Variants in CMSS1 observed in about 807,000 individuals in gnomAD.
CMSS1 encodes the protein protein CMSS1.
A neutral mutation model predicts 43.5 loss-of-function variants in CMSS1; 33 were observed. That is an observed-to-expected ratio of 0.76 (90% CI 0.57 to 1.01). The LOEUF (loss-of-function observed/expected upper bound fraction) is 1.01, where lower values mean the gene tolerates loss of function less well. Ranked by LOEUF, CMSS1 falls within the 50% of genes least tolerant of loss-of-function variation. CMSS1 has a pLI of 0.00. For synonymous variants in CMSS1, 115 were observed against 117.2 expected (o/e 0.98, Z 0.12); for missense variants, 313 against 326.4 (o/e 0.96, Z 0.32).
intron 1 of CMSS1, chr3:99,833,170 G>C (rs1200066289): frequency 1.4e-6 from 2 of 1,425,984 alleles, no homozygotes; most frequent in Non-Finnish European, 2.0e-6. Context: ...TTTAATAAAT[G>C]CTTAACCCAG....
chr3:99,833,929 G>T (rs1449973557), intron 1 of CMSS1, among the ~76,000 whole-genome samples: 2 of 152,240 alleles, frequency 1.3e-5, no homozygotes, highest in South Asian at 2.1e-4. Context: ...TAATGGGAAA[G>T]TATATAAGCA....
In CMSS1 at chr3:100,119,027, C is replaced by T. The variant is rs182596078; in HGVS notation, c.65-27946C>T. Among the ~76,000 whole-genome samples the T allele has an allele frequency of 2.0e-5, 3 of 152,134 alleles. No individual in the cohort carries two copies. The East Asian group carries it at 5.8e-4, about 29-fold the overall frequency. On this transcript the variant is annotated intron_variant, in intron 1 of 9. Transcript: ENST00000421999. Reference sequence around the variant, plus strand: ...TGACTCTCTGAGCTTCGGTTTCCTCCTCTGTGAAGGTTTTGCACTGAAAAA... The same window carrying T: ...TGACTCTCTGAGCTTCGGTTTCCTCTTCTGTGAAGGTTTTGCACTGAAAAA...
At chr3:99,950,987 G>T (rs1248203676) in intron 1 of CMSS1, among the ~76,000 whole-genome samples, 2 of 152,214 alleles carry the variant, frequency 1.3e-5, no homozygotes. Flanking sequence ...CTTGTTAAGA[G>T]GGATCCAAGC....
intron 1 of CMSS1, among the ~76,000 whole-genome samples, chr3:99,890,459 T>C (rs1706048070): frequency 6.6e-6 from 1 of 152,172 alleles, no homozygotes; most frequent in Non-Finnish European, 1.5e-5. Flanking sequence ...GAACAGTTTT[T>C]TCTCTCCTTA....
intron 1 of CMSS1, among the ~76,000 whole-genome samples, chr3:99,916,568 A>G (rs1012991555): frequency 6.6e-6 from 1 of 152,008 alleles, no homozygotes; most frequent in African/African-American, 2.4e-5. Context: ...CTTACTTAGC[A>G]CTTGCTGTGC....
intron 1 of CMSS1, among the ~76,000 whole-genome samples, chr3:100,020,580 T>C (rs2064792921): frequency 6.6e-6 from 1 of 152,126 alleles, no homozygotes; most frequent in African/African-American, 2.4e-5. Context: ...TCTTTTGCCA[T>C]AAGCTAAAAG....
At chr3:100,053,102 A>G (rs1197971117) in intron 1 of CMSS1, among the ~76,000 whole-genome samples, 1 of 152,068 alleles carries the variant, frequency 6.6e-6, no homozygotes. Flanking sequence ...CTGTGCCTTT[A>G]TCTCTTAAAC....
In CMSS1 at chr3:100,163,662, C is replaced by T. The variant is rs546882765; in HGVS notation, c.355+1230C>T. On this transcript the variant is annotated intron_variant, in intron 4 of 9. Coordinates refer to ENST00000421999, the MANE Select transcript of CMSS1 (RefSeq NM_032359.4). ...AGTGGATCCTCTCATCTCAGCCTCCCGAGTAGCTGGGAATATAGCCACGTG... is the reference window on the plus strand; with the variant it reads ...AGTGGATCCTCTCATCTCAGCCTCCTGAGTAGCTGGGAATATAGCCACGTG... Among the ~76,000 whole-genome samples, 5 of 152,128 alleles carry T rather than the reference C, an allele frequency of 3.3e-5. No individual in the cohort carries two copies. In the South Asian group the frequency reaches 8.3e-4, roughly 25 times the overall value.
At chr3:100,111,065 T>C (rs1283173821) in intron 1 of CMSS1, among the ~76,000 whole-genome samples, 2 of 152,178 alleles carry the variant, frequency 1.3e-5, no homozygotes, top group Non-Finnish European at 2.9e-5. Flanking sequence ...ACAGCCCAGT[T>C]CGCCATATTC....
intron 1 of CMSS1, among the ~76,000 whole-genome samples, chr3:100,000,414 G>T (rs1709808671): frequency 6.6e-6 from 1 of 152,204 alleles, no homozygotes; most frequent in Non-Finnish European, 1.5e-5. Flanking sequence ...AGCTGCTGTT[G>T]TGTGAATGTC....
intron 1 of CMSS1, among the ~76,000 whole-genome samples, chr3:99,865,090 T>C (rs1944449212): frequency 6.6e-6 from 1 of 152,194 alleles, no homozygotes; most frequent in Non-Finnish European, 1.5e-5. Context: ...AACTAAGCAA[T>C]AGACATATAG....
chr3:100,030,109 C>T (rs1267160561), intron 1 of CMSS1, among the ~76,000 whole-genome samples: 3 of 152,122 alleles, frequency 2.0e-5, no homozygotes, highest in Non-Finnish European at 4.4e-5. Context: ...AACGGAGACC[C>T]AACGAGCACC....
In CMSS1 at chr3:99,862,398, C is replaced by T. The variant is rs527992562; in HGVS notation, c.64+44355C>T. On this transcript the variant is annotated intron_variant, in intron 1 of 9. Coordinates refer to ENST00000421999, the MANE Select transcript of CMSS1 (RefSeq NM_032359.4). ...AGATATGACTACATAATGTTTATTGCGATCTATTTTAAGGCTTTTCATGGA... is the reference window on the plus strand; with the variant it reads ...AGATATGACTACATAATGTTTATTGTGATCTATTTTAAGGCTTTTCATGGA... 1.1e-4 allele frequency among the ~76,000 whole-genome samples: 17 copies of T among 152,232 alleles called. No homozygotes were observed. In the East Asian group the frequency reaches 2.1e-3, roughly 19 times the overall value.
At chr3:99,887,471 A>T (rs1576548963) in intron 1 of CMSS1, among the ~76,000 whole-genome samples, 1 of 152,182 alleles carries the variant, frequency 6.6e-6, no homozygotes, top group Non-Finnish European at 1.5e-5. Context: ...GGTGGCTATC[A>T]CAGCCATGAC....
At chr3:99,942,375 A>G (rs1004783579) in intron 1 of CMSS1, among the ~76,000 whole-genome samples, 5 of 152,130 alleles carry the variant, frequency 3.3e-5, no homozygotes, top group Non-Finnish European at 7.4e-5. Flanking sequence ...ATGGCAGGGG[A>G]TAGAGGTGAA....
chr3:99,996,351 A>G (rs571868508), intron 1 of CMSS1, among the ~76,000 whole-genome samples: 64 of 152,246 alleles, frequency 4.2e-4, no homozygotes, highest in Non-Finnish European at 7.5e-4. Context: ...CCTGGACCTT[A>G]TTGTCCATAT....
At chr3:99,927,845 C>T (rs1707345434) in intron 1 of CMSS1, among the ~76,000 whole-genome samples, 1 of 152,050 alleles carries the variant, frequency 6.6e-6, no homozygotes, top group Admixed American at 6.5e-5. Context: ...GCTCCTAGCC[C>T]CAGCCCCAAG....
At position 100,021,744 on chromosome 3, in the gene CMSS1, T is replaced by A. The variant is rs557129340; in HGVS notation, c.65-125229T>A. Among the ~76,000 whole-genome samples, 52 of 152,314 alleles carry A rather than the reference T, an allele frequency of 3.4e-4. 2 individuals are homozygous for A. In the South Asian group the frequency reaches 0.011, roughly 31 times the overall value. ...AAAGCTTTGTAAAGGGAACCTCCCC[T>A]TCCTCAGCCTACCCTTAACTTGCAT... On this transcript the variant is annotated intron_variant, in intron 1 of 9. Coordinates refer to ENST00000421999, the MANE Select transcript of CMSS1 (RefSeq NM_032359.4).
intron 2 of CMSS1, among the ~76,000 whole-genome samples, chr3:100,153,708 G>A (rs2066943591): frequency 6.6e-6 from 1 of 152,082 alleles, no homozygotes. Flanking sequence ...TAGTGGCATT[G>A]GGGGTTAGGG....
Sources: allele counts gnomAD v4.1 joint callset (sites outside exome capture counted in the v4.1 genomes callset), GRCh38; gene constraint gnomAD v4.1.1; transcripts MANE v1.5; gene names NCBI Gene and HGNC (gene_info 2026-07-23, HGNC 2026-07-21).